RBFOX1: variants seen among roughly 807,000 people sequenced by gnomAD.
RBFOX1 encodes RNA binding protein fox-1 homolog 1.
In RBFOX1, 8 loss-of-function variants were observed where a neutral mutation model predicts 57.7. The ratio of observed to expected loss-of-function variants is 0.14; its 90% CI spans 0.08 to 0.25. The LOEUF (loss-of-function observed/expected upper bound fraction) is 0.25. Among genes scored for constraint, RBFOX1 ranks in the 10% least tolerant of loss-of-function variants. The probability of loss-of-function intolerance (pLI) is 1.00; values close to 1 mark genes in which losing one functional copy is unlikely to be tolerated. For synonymous variants in RBFOX1, 326 were observed against 222.4 expected, an observed-to-expected ratio of 1.47 and a Z score of -4.15; for missense variants, 611 against 548.5, an observed-to-expected ratio of 1.11 and a Z score of -1.14.
chr16:5,805,737 G>A (rs1036721088), intron 3 of RBFOX1, among the ~76,000 whole-genome samples: 1 of 152,172 alleles, frequency 6.6e-6, no homozygotes, highest in South Asian at 2.1e-4. Flanking sequence ...TTTCAGTAAT[G>A]AGTCAAGTCA....
At chr16:5,641,214 C>T (rs968086960) in intron 3 of RBFOX1, among the ~76,000 whole-genome samples, 1 of 152,170 alleles carries the variant, frequency 6.6e-6, no homozygotes, top group African/African-American at 2.4e-5. Context: ...ACCATGCATA[C>T]ATACATGCAT....
At chr16:6,665,071 G>A (rs1295836480) in intron 3 of RBFOX1, among the ~76,000 whole-genome samples, 2 of 152,184 alleles carry the variant, frequency 1.3e-5, no homozygotes, top group Non-Finnish European at 2.9e-5. Flanking sequence ...TGAGTAAAGT[G>A]GGACTGTCTT....
chr16:5,714,119 A>T (rs1375517796), intron 3 of RBFOX1, among the ~76,000 whole-genome samples: 1 of 152,176 alleles, frequency 6.6e-6, no homozygotes, highest in Non-Finnish European at 1.5e-5. Flanking sequence ...ACTATCTTGC[A>T]TTTCCACCAT....
At chr16:7,428,925 G>A (rs2098650953) in intron 4 of RBFOX1, among the ~76,000 whole-genome samples, 1 of 152,058 alleles carries the variant, frequency 6.6e-6, no homozygotes, top group African/African-American at 2.4e-5. Flanking sequence ...GCACATGTAG[G>A]TCGTAAAGTA....
At chr16:6,232,971 G>T (rs985347803) in intron 1 of RBFOX1, among the ~76,000 whole-genome samples, 14 of 152,144 alleles carry the variant, frequency 9.2e-5, no homozygotes, top group African/African-American at 3.1e-4. Context: ...TATGGGCAGG[G>T]TAGCCGTACT....
intron 4 of RBFOX1, among the ~76,000 whole-genome samples, chr16:7,490,232 A>T (rs1046229501): frequency 6.6e-6 from 1 of 152,332 alleles, no homozygotes; most frequent in African/African-American, 2.4e-5. Context: ...ATTACTGAGA[A>T]AAGAATGACA....
intron 5 of RBFOX1, among the ~76,000 whole-genome samples, chr16:7,523,519 G>T (rs190840317): frequency 6.6e-6 from 1 of 152,168 alleles, no homozygotes; most frequent in Non-Finnish European, 1.5e-5. Context: ...GGCAATGGAT[G>T]CCCGAATTTG....
chr16:7,073,328 G>C (rs2057707155), intron 4 of RBFOX1, among the ~76,000 whole-genome samples: 2 of 152,120 alleles, frequency 1.3e-5, no homozygotes, highest in African/African-American at 4.8e-5. Context: ...CCTATATGAA[G>C]GGGCATGGCC....
intron 2 of RBFOX1, among the ~76,000 whole-genome samples, chr16:6,329,102 C>T (rs1023007088): frequency 2.6e-5 from 4 of 152,150 alleles, no homozygotes; most frequent in Non-Finnish European, 5.9e-5. Context: ...TTTCAAAACT[C>T]ATACTCATAA....
At chr16:5,579,467 G>A (rs2046587290) in intron 2 of RBFOX1, among the ~76,000 whole-genome samples, 1 of 152,040 alleles carries the variant, frequency 6.6e-6, no homozygotes, top group Non-Finnish European at 1.5e-5. Context: ...GTAGAATCCA[G>A]CCCCAGCCTC....
chr16:5,705,058 C>G (rs1184573366), intron 3 of RBFOX1, among the ~76,000 whole-genome samples: 1 of 152,068 alleles, frequency 6.6e-6, no homozygotes, highest in East Asian at 1.9e-4. Context: ...TTTGCAAAAT[C>G]AAATATGTAA....
chr16:6,706,754 C>G (rs940033147), intron 3 of RBFOX1, among the ~76,000 whole-genome samples: 1 of 144,858 alleles, frequency 6.9e-6, no homozygotes, highest in African/African-American at 2.6e-5. Flanking sequence ...GAGTTCCAAT[C>G]TTACAAGACA....
At chr16:7,566,001 TTGCCGAGCGCC>T (rs1442135693) in intron 5 of RBFOX1, among the ~76,000 whole-genome samples, 1 of 152,172 alleles carries the variant, frequency 6.6e-6, no homozygotes, top group Admixed American at 6.6e-5. Flanking sequence ...CAGGAAAGAC[TTGCCGAGCGCC>T]TACTATGTGT....
At chr16:6,862,953 C>G (rs894888229) in intron 3 of RBFOX1, among the ~76,000 whole-genome samples, 8 of 151,194 alleles carry the variant, frequency 5.3e-5, no homozygotes, top group African/African-American at 1.5e-4. Flanking sequence ...GCACTGCACT[C>G]CAGCCTGGGC....
chr16:5,915,288 C>G (rs1004989891), intron 4 of RBFOX1, among the ~76,000 whole-genome samples: 1 of 152,138 alleles, frequency 6.6e-6, no homozygotes, highest in Non-Finnish European at 1.5e-5. Context: ...TATTTTATTC[C>G]ACATGATTTG....
chr16:5,754,331 A>G (rs960374993), intron 3 of RBFOX1, among the ~76,000 whole-genome samples: 1 of 152,102 alleles, frequency 6.6e-6, no homozygotes, highest in Admixed American at 6.5e-5. Flanking sequence ...AGTTGGTGCA[A>G]TGTTCATGTT....
chr16:7,345,274 A>G (rs142172396), intron 4 of RBFOX1, among the ~76,000 whole-genome samples: 88 of 151,844 alleles, frequency 5.8e-4, no homozygotes, highest in African/African-American at 2.0e-3. Flanking sequence ...TTCTCCCTCT[A>G]CAGCTCTGCA....
intron 3 of RBFOX1, among the ~76,000 whole-genome samples, chr16:5,795,496 T>C (rs1477325175): frequency 6.6e-6 from 1 of 151,990 alleles, no homozygotes; most frequent in Non-Finnish European, 1.5e-5. Context: ...GGAGATGGGG[T>C]ATTGCTATGG....
chr16:5,804,853 C>G (rs996678892), intron 3 of RBFOX1, among the ~76,000 whole-genome samples: 5 of 150,494 alleles, frequency 3.3e-5, no homozygotes, highest in African/African-American at 1.2e-4. Context: ...ATGAGGCCCT[C>G]CTTGTTGTGC....
Sources: allele counts gnomAD v4.1 joint callset (sites outside exome capture counted in the v4.1 genomes callset), GRCh38; gene constraint gnomAD v4.1.1; transcripts MANE v1.5; gene names NCBI Gene and HGNC (gene_info 2026-07-23, HGNC 2026-07-21).